Variants in PRKAG2 observed in about 807,000 individuals in gnomAD.
PRKAG2 encodes the protein 5'-AMP-activated protein kinase subunit gamma-2.
Under a neutral mutation model 69.6 loss-of-function variants are expected in PRKAG2, and 26 were observed. The ratio of observed to expected loss-of-function variants is 0.37; its 90% CI spans 0.27 to 0.52. The LOEUF (loss-of-function observed/expected upper bound fraction) is 0.52, where lower values mean the gene tolerates loss of function less well. Among genes scored for constraint, PRKAG2 ranks in the 20% least tolerant of loss-of-function variants. The pLI is 0.90. For synonymous variants in PRKAG2, 293 were observed against 285.0 expected, an observed-to-expected ratio of 1.03 and a Z score of -0.28; for missense variants, 557 against 740.0, an observed-to-expected ratio of 0.75 and a Z score of 2.87.
intron 15 of PRKAG2, chr7:151,560,227 G>A: frequency 7.9e-7 from 1 of 1,270,380 alleles, no homozygotes; most frequent in Non-Finnish European, 1.0e-6. Flanking sequence ...CAATTGAAGA[G>A]GTCTTTTCAG....
intron 4 of PRKAG2, among the ~76,000 whole-genome samples, chr7:151,652,233 A>T (rs986868392): frequency 7.2e-5 from 11 of 152,216 alleles, no homozygotes; most frequent in Admixed American, 7.2e-4. Flanking sequence ...GAAGAGGTAA[A>T]CCAATACACT....
intron 1 of PRKAG2, among the ~76,000 whole-genome samples, chr7:151,822,534 G>T (rs2078812389): frequency 6.6e-6 from 1 of 152,190 alleles, no homozygotes; most frequent in South Asian, 2.1e-4. Context: ...CTCCCTTGGG[G>T]CTGGGCTGCA....
intron 3 of PRKAG2, among the ~76,000 whole-genome samples, chr7:151,679,731 C>T (rs1833545784): frequency 6.6e-6 from 1 of 152,132 alleles, no homozygotes; most frequent in Non-Finnish European, 1.5e-5. Flanking sequence ...ATGGACAATG[C>T]TGAAAAGTAG....
At chr7:151,741,859 G>T (rs2073917958) in intron 3 of PRKAG2, among the ~76,000 whole-genome samples, 1 of 152,162 alleles carries the variant, frequency 6.6e-6, no homozygotes. Flanking sequence ...TTGATTGAAG[G>T]GATGAGGTGC....
intron 5 of PRKAG2, among the ~76,000 whole-genome samples, chr7:151,616,395 A>T (rs1820154104): frequency 6.6e-6 from 1 of 152,238 alleles, no homozygotes; most frequent in Non-Finnish European, 1.5e-5. Context: ...ATATTTTAAA[A>T]CACATATTCA....
intron 1 of PRKAG2, among the ~76,000 whole-genome samples, chr7:151,869,005 C>A (rs948560068): frequency 6.6e-6 from 1 of 152,170 alleles, no homozygotes; most frequent in African/African-American, 2.4e-5. Flanking sequence ...CAAATGATTT[C>A]TTTCGCCAGT....
intron 5 of PRKAG2, among the ~76,000 whole-genome samples, chr7:151,628,794 T>C (rs999730449): frequency 6.6e-6 from 1 of 152,192 alleles, no homozygotes; most frequent in African/African-American, 2.4e-5. Flanking sequence ...CTACAAACAC[T>C]TAATGAAATC....
chr7:151,700,153 G>A (rs912216306), intron 3 of PRKAG2, among the ~76,000 whole-genome samples: 3 of 152,200 alleles, frequency 2.0e-5, no homozygotes, highest in Non-Finnish European at 2.9e-5. Flanking sequence ...AAGGGAAATC[G>A]GGGGTGACGT....
chr7:151,670,162 G>GCCAACACACA (rs1358603388), intron 4 of PRKAG2, among the ~76,000 whole-genome samples: 1 of 151,442 alleles, frequency 6.6e-6, no homozygotes, highest in African/African-American at 2.4e-5. Context: ...CTGCATGCAT[G>GCCAACACACA]CCCACATACA....
At chr7:151,817,270 G>C (rs2078668083) in intron 1 of PRKAG2, among the ~76,000 whole-genome samples, 1 of 152,198 alleles carries the variant, frequency 6.6e-6, no homozygotes, top group African/African-American at 2.4e-5. Context: ...CATGGGGCTG[G>C]TGTCAGAATC....
intron 3 of PRKAG2, among the ~76,000 whole-genome samples, chr7:151,742,161 C>A (rs897904470): frequency 6.6e-6 from 1 of 152,198 alleles, no homozygotes; most frequent in Non-Finnish European, 1.5e-5. Flanking sequence ...ATCCTTCCAC[C>A]ATACCATACT....
chr7:151,620,162 T>C (rs965066382), intron 5 of PRKAG2, among the ~76,000 whole-genome samples: 1 of 152,184 alleles, frequency 6.6e-6, no homozygotes, highest in African/African-American at 2.4e-5. Flanking sequence ...TGAGGTATAC[T>C]TTTAGCTACT....
rs138097685 is a variant in PRKAG2, at chr7:151,743,482, T to C, written c.466+37670A>G. On this transcript the variant is annotated intron_variant, in intron 3 of 15. Coordinates refer to ENST00000287878, the MANE Select transcript of PRKAG2 (RefSeq NM_016203.4). Reference sequence around the variant, plus strand: ...ACGTGTGTCTTCTGGTGGCTGTTCTTTTAGATTTCTGACTACAAACCTACC... The same window carrying C: ...ACGTGTGTCTTCTGGTGGCTGTTCTCTTAGATTTCTGACTACAAACCTACC... Among the ~76,000 whole-genome samples the C allele has an allele frequency of 2.6e-3, 403 of 152,338 alleles. 3 individuals are homozygous for C. The highest frequency in any genetic ancestry group is 9.3e-3 in the African/African-American group (386 of 41,572).
At chr7:151,783,336 T>C (rs1377327321) in intron 2 of PRKAG2, among the ~76,000 whole-genome samples, 1 of 152,156 alleles carries the variant, frequency 6.6e-6, no homozygotes, top group Non-Finnish European at 1.5e-5. Flanking sequence ...TCTTTTTTTG[T>C]GTAGTTCTGT....
In PRKAG2 at chr7:151,699,503, G is replaced by A. The variant is rs1219868488; in HGVS notation, c.467-23866C>T. Among the ~76,000 whole-genome samples, 1 of 152,224 alleles carries A rather than the reference G, an allele frequency of 6.6e-6. No homozygotes were observed. Among genetic ancestry groups the A allele is most frequent in the African/African-American group, 2.4e-5 (1 of 41,460 alleles). Reference sequence around the variant, plus strand: ...CACAGGAGGCCCCTCCTTCCTGTTGGAGATGTTTAGTTTTATGATTAAGAA... The same window carrying A: ...CACAGGAGGCCCCTCCTTCCTGTTGAAGATGTTTAGTTTTATGATTAAGAA... On this transcript the variant is annotated intron_variant, in intron 3 of 15. Coordinates refer to ENST00000287878, the MANE Select transcript of PRKAG2 (RefSeq NM_016203.4). This position sits in a 1 kb window ranked among gnomAD's most constrained non-coding sequence, Gnocchi z 4.5.
intron 1 of PRKAG2, among the ~76,000 whole-genome samples, chr7:151,820,853 T>G (rs1413530555): frequency 6.6e-6 from 1 of 152,202 alleles, no homozygotes; most frequent in Non-Finnish European, 1.5e-5. Flanking sequence ...CTCCTAACCC[T>G]GAGGCCCACC....
intron 3 of PRKAG2, among the ~76,000 whole-genome samples, chr7:151,753,836 C>A (rs975712609): frequency 6.6e-6 from 1 of 151,996 alleles, no homozygotes; most frequent in Non-Finnish European, 1.5e-5. Flanking sequence ...GTGTTTGAGA[C>A]CAGCCTGGGC....
intron 3 of PRKAG2, among the ~76,000 whole-genome samples, chr7:151,690,930 G>A (rs1835563955): frequency 1.3e-5 from 2 of 152,234 alleles, no homozygotes; most frequent in Admixed American, 1.3e-4. Context: ...CTGGTGCACT[G>A]TCCCAGCTCA....
chr7:151,811,074 C>T (rs370625517), intron 1 of PRKAG2, among the ~76,000 whole-genome samples: 4 of 152,124 alleles, frequency 2.6e-5, no homozygotes, highest in Non-Finnish European at 5.9e-5. Context: ...AACAAAGGAA[C>T]GACAGGGACC....
Sources: allele counts gnomAD v4.1 joint callset (sites outside exome capture counted in the v4.1 genomes callset), GRCh38; gene constraint gnomAD v4.1.1; non-coding constraint Gnocchi (gnomAD v3.1); transcripts MANE v1.5; gene names NCBI Gene and HGNC (gene_info 2026-07-23, HGNC 2026-07-21).